The following PSMA1 variants were observed in gnomAD, a reference collection of about 807,000 sequenced individuals.
PSMA1 encodes the protein proteasome 20S subunit alpha 1.
In PSMA1, 3 loss-of-function variants were observed where a neutral mutation model predicts 38.4. That is an observed-to-expected ratio of 0.08 (90% CI 0.04 to 0.20). The LOEUF (loss-of-function observed/expected upper bound fraction) is 0.20. Ranked by LOEUF, PSMA1 falls within the 10% of genes least tolerant of loss-of-function variation. The pLI is 1.00. For synonymous variants in PSMA1, 101 were observed against 107.1 expected, an observed-to-expected ratio of 0.94 and a Z score of 0.35; for missense variants, 227 against 325.3, an observed-to-expected ratio of 0.70 and a Z score of 2.32.
At chr11:14,518,915 A>T in intron 2 of PSMA1, 82 bp downstream of exon 2, 1 of 1,127,380 alleles carries the variant, frequency 8.9e-7, no homozygotes. Context: ...ATTTTCCCCA[A>T]GCCTACGCTC....
Position 14,634,502 on chromosome 11 carries a change from T to G in PSMA1, c.-166+8953A>C, listed in dbSNP as rs553791051. ...ACTTAATTCTTCGTAAAATTTAGGC[T>G]TTTTTTTTTTTTAAGTGATTTTTGT... On this transcript the variant is annotated intron_variant, in intron 1 of 10. Transcript: ENST00000418988. Among the ~76,000 whole-genome samples, 69 of 141,320 alleles carry G rather than the reference T, an allele frequency of 4.9e-4. No homozygotes were observed. In the East Asian group the frequency reaches 0.013, roughly 26 times the overall value. 92.7% of individuals were successfully genotyped at this position (141,320 alleles called of 152,430 possible). A position where few individuals can be genotyped will look rare whatever the true frequency, so the allele number is the denominator to read the frequency against.
intron 2 of PSMA1, among the ~76,000 whole-genome samples, chr11:14,552,372 T>C (rs1434647091): frequency 1.3e-5 from 2 of 152,164 alleles, no homozygotes; most frequent in Non-Finnish European, 2.9e-5. Context: ...CTCCAGCTCA[T>C]ATGATGGGGA....
chr11:14,556,342 T>C (rs1391122040), intron 2 of PSMA1, among the ~76,000 whole-genome samples: 1 of 152,252 alleles, frequency 6.6e-6, no homozygotes, highest in Non-Finnish European at 1.5e-5. Flanking sequence ...ATTACTTCTT[T>C]GTCTTCTAAC....
At chr11:14,594,274 C>G (rs546134096) in intron 2 of PSMA1, among the ~76,000 whole-genome samples, 1 of 152,268 alleles carries the variant, frequency 6.6e-6, no homozygotes, top group Admixed American at 6.5e-5. Flanking sequence ...GGAAATAGAA[C>G]CCCTCATATC....
At chr11:14,602,274 GA>G (rs1434230945) in intron 2 of PSMA1, among the ~76,000 whole-genome samples, 1 of 152,172 alleles carries the variant, frequency 6.6e-6, no homozygotes, top group Non-Finnish European at 1.5e-5. Context: ...TCTTGGCCAT[GA>G]AAAGGCTGAG....
chr11:14,619,693 CG>C (rs1259760774), intron 1 of PSMA1, among the ~76,000 whole-genome samples: 1 of 152,058 alleles, frequency 6.6e-6, no homozygotes, highest in Admixed American at 6.6e-5. Flanking sequence ...TGATGTCTAA[CG>C]GGCAAAATAG....
chr11:14,535,124 G>A (rs952485935), intron 2 of PSMA1, among the ~76,000 whole-genome samples: 1 of 149,022 alleles, frequency 6.7e-6, no homozygotes, highest in Non-Finnish European at 1.5e-5. Context: ...TATTTTAGAA[G>A]CTTTTTATTT....
At chr11:14,524,667 A>T (rs1008451207), upstream of PSMA1, among the ~76,000 whole-genome samples, 1 of 152,182 alleles carries the variant, frequency 6.6e-6, no homozygotes, top group African/African-American at 2.4e-5. Context: ...CCTGTTTGGT[A>T]GTCTCTTCAC....
At chr11:14,547,537 A>G (rs1194793889) in intron 2 of PSMA1, among the ~76,000 whole-genome samples, 5 of 152,226 alleles carry the variant, frequency 3.3e-5, no homozygotes, top group Admixed American at 2.6e-4. Flanking sequence ...CTGGGAGTGC[A>G]GTAAAAAATG....
intron 2 of PSMA1, among the ~76,000 whole-genome samples, chr11:14,562,700 C>G (rs1438009022): frequency 1.3e-5 from 2 of 151,582 alleles, no homozygotes; most frequent in East Asian, 3.9e-4. Flanking sequence ...TCAGGGCTCA[C>G]TGAAGCCTCT....
Position 14,536,706 on chromosome 11 carries a change from A to G in PSMA1, c.22-17665T>C, listed in dbSNP as rs548952773. ...GGCTTATCGCAAGCTCCGCCTCCTG[A>G]GTTCATGCCATTCTCCTGCCTCAGC... is the stretch of plus-strand genomic sequence containing the variant. On this transcript the variant is annotated intron_variant, in intron 2 of 10. Coordinates refer to the PSMA1 transcript ENST00000418988. Among the ~76,000 whole-genome samples the G allele has an allele frequency of 1.8e-3, 277 of 151,778 alleles. 1 individual carries two copies. Among genetic ancestry groups the G allele is most frequent in the African/African-American group, 6.4e-3 (263 of 41,396 alleles).
At chr11:14,631,338 T>C (rs1853007060) in intron 1 of PSMA1, among the ~76,000 whole-genome samples, 1 of 152,330 alleles carries the variant, frequency 6.6e-6, no homozygotes, top group Middle Eastern at 3.4e-3. Context: ...CTGCTTTGAA[T>C]GTGTCCCAGA....
At chr11:14,558,922 T>G (rs1851973852) in intron 2 of PSMA1, among the ~76,000 whole-genome samples, 1 of 152,146 alleles carries the variant, frequency 6.6e-6, no homozygotes, top group Non-Finnish European at 1.5e-5. Flanking sequence ...GTTAATAAAC[T>G]CTCCATCCAA....
intron 2 of PSMA1, among the ~76,000 whole-genome samples, chr11:14,605,766 G>C (rs1283663495): frequency 6.6e-6 from 1 of 152,176 alleles, no homozygotes; most frequent in African/African-American, 2.4e-5. Flanking sequence ...CTGGATATCA[G>C]ACTTCTATTG....
chr11:14,513,353 T>C, intron 7 of PSMA1: 1 of 441,316 alleles, frequency 2.3e-6, no homozygotes, highest in South Asian at 9.3e-5. Flanking sequence ...ATTTATATTT[T>C]GAAAAAGTTC....
chr11:14,515,222 C>T (rs1851404690), intron 4 of PSMA1, among the ~76,000 whole-genome samples: 1 of 152,162 alleles, frequency 6.6e-6, no homozygotes, highest in South Asian at 2.1e-4. Flanking sequence ...GTCCATTTCC[C>T]AATGCTGCCT....
intron 1 of PSMA1, among the ~76,000 whole-genome samples, chr11:14,629,749 T>C (rs1852973388): frequency 6.6e-6 from 1 of 151,328 alleles, no homozygotes; most frequent in Admixed American, 6.6e-5. Flanking sequence ...ATCTGTAAAT[T>C]ACCTTGGGCA....
intron 2 of PSMA1, among the ~76,000 whole-genome samples, chr11:14,538,982 T>C (rs1196804201): frequency 6.6e-6 from 1 of 152,280 alleles, no homozygotes; most frequent in Non-Finnish European, 1.5e-5. Flanking sequence ...GGAACTTCTC[T>C]GAAGTCGTTG....
upstream of PSMA1, chr11:14,520,424 C>A: frequency 1.9e-6 from 3 of 1,609,150 alleles, no homozygotes; most frequent in African/African-American, 1.3e-5. Flanking sequence ...CGCAGGGTAG[C>A]GCAGTCTATT....
Sources: allele counts gnomAD v4.1 joint callset (sites outside exome capture counted in the v4.1 genomes callset), GRCh38; gene constraint gnomAD v4.1.1; transcripts MANE v1.5; gene names NCBI Gene and HGNC (gene_info 2026-07-23, HGNC 2026-07-21).